The following CFAP299 variants were observed in gnomAD, a reference collection of about 807,000 sequenced individuals.
CFAP299 encodes cilia- and flagella-associated protein 299.
Under a neutral mutation model 27.0 loss-of-function variants are expected in CFAP299, and 21 were observed. That is an observed-to-expected ratio of 0.78 (90% CI 0.55 to 1.12). The LOEUF is 1.12. CFAP299 is among the 50% of genes most tolerant of loss of function. The probability of loss-of-function intolerance (pLI) is 0.00; values close to 1 mark genes in which losing one functional copy is unlikely to be tolerated. For synonymous variants in CFAP299, 104 were observed against 98.1 expected, an observed-to-expected ratio of 1.06 and a Z score of -0.36; for missense variants, 310 against 276.6, an observed-to-expected ratio of 1.12 and a Z score of -0.86.
At chr4:80,397,842 T>G (rs1400206850) in intron 2 of CFAP299, among the ~76,000 whole-genome samples, 2 of 152,046 alleles carry the variant, frequency 1.3e-5, no homozygotes, top group Non-Finnish European at 2.9e-5. Flanking sequence ...GCCAGGGCAA[T>G]CAGGCAGGAG....
chr4:80,601,057 G>A (rs1303533096), intron 3 of CFAP299, among the ~76,000 whole-genome samples: 1 of 152,050 alleles, frequency 6.6e-6, no homozygotes, highest in Non-Finnish European at 1.5e-5. Flanking sequence ...ATATGAGAGT[G>A]TTATATAAAG....
At chr4:80,711,848 T>TA (rs1722193119) in intron 3 of CFAP299, among the ~76,000 whole-genome samples, 2 of 152,300 alleles carry the variant, frequency 1.3e-5, no homozygotes, top group African/African-American at 4.8e-5. Flanking sequence ...CAAGTATGCT[T>TA]AAGAGACATT....
At chr4:80,833,188 C>T (rs1026784138) in intron 3 of CFAP299, among the ~76,000 whole-genome samples, 41 of 152,054 alleles carry the variant, frequency 2.7e-4, no homozygotes, top group African/African-American at 8.5e-4. Flanking sequence ...ATTTCAAATA[C>T]TTAAAGACAC....
At position 80,350,805 on chromosome 4, in the gene CFAP299, A is replaced by T. The variant is rs559984310; in HGVS notation, c.112-11949A>T. 4.6e-5 allele frequency among the ~76,000 whole-genome samples: 7 copies of T among 152,222 alleles called. No homozygotes were observed. In the East Asian group the frequency reaches 1.4e-3, roughly 29 times the overall value. ...TTGGGGGTGGAGGGAAAGGGGAGGG[A>T]GAGCATTAGGACAAATGGCTAATGC... On this transcript the variant is annotated intron_variant, in intron 1 of 5. Coordinates refer to ENST00000358105, the MANE Select transcript of CFAP299 (RefSeq NM_152770.3).
At chr4:80,868,905 C>CTCTG (rs1435285713) in intron 3 of CFAP299, among the ~76,000 whole-genome samples, 2,970 of 137,626 alleles carry the variant, frequency 0.022, 94 homozygotes, top group African/African-American at 0.057. Flanking sequence ...GCTTCTCTCT[C>CTCTG]TGTGTGTGTG....
intron 2 of CFAP299, among the ~76,000 whole-genome samples, chr4:80,401,807 G>A (rs1400169006): frequency 1.3e-5 from 2 of 152,150 alleles, no homozygotes; most frequent in African/African-American, 4.8e-5. Context: ...ACTTGAAAAA[G>A]CCATAGACAC....
At chr4:80,863,863 G>A (rs568988705) in intron 3 of CFAP299, among the ~76,000 whole-genome samples, 30 of 151,864 alleles carry the variant, frequency 2.0e-4, no homozygotes, top group East Asian at 1.2e-3. Context: ...ATAAAGTATC[G>A]TTTTCATGTG....
chr4:80,736,475 AAAC>A (rs1344192096), intron 3 of CFAP299, among the ~76,000 whole-genome samples: 2 of 152,112 alleles, frequency 1.3e-5, no homozygotes, highest in African/African-American at 2.4e-5. Flanking sequence ...AAGAAAAAAA[AAAC>A]AACCCCATCA....
At chr4:80,662,621 G>T (rs1740915057) in intron 3 of CFAP299, among the ~76,000 whole-genome samples, 1 of 152,184 alleles carries the variant, frequency 6.6e-6, no homozygotes, top group Admixed American at 6.5e-5. Flanking sequence ...GTTTTAGCTT[G>T]CATGCTATTT....
chr4:80,602,829 G>A (rs138531719), intron 3 of CFAP299, among the ~76,000 whole-genome samples: 117 of 152,130 alleles, frequency 7.7e-4, no homozygotes, highest in African/African-American at 2.6e-3. Context: ...AATACATGAG[G>A]CATTACTGAC....
intron 3 of CFAP299, among the ~76,000 whole-genome samples, chr4:80,826,869 C>A (rs1273124345): frequency 1.3e-5 from 2 of 151,740 alleles, no homozygotes; most frequent in Non-Finnish European, 3.0e-5. Flanking sequence ...CTCTAACAAT[C>A]CTTGGATGAA....
chr4:80,790,327 G>T (rs532906049), intron 3 of CFAP299: 1 of 151,968 alleles, frequency 6.6e-6, no homozygotes, highest in South Asian at 2.1e-4. Context: ...ACCCTCAAAG[G>T]TCTGAAAGTC....
intron 2 of CFAP299, among the ~76,000 whole-genome samples, chr4:80,564,818 A>T (rs753259594): frequency 4.6e-5 from 7 of 152,094 alleles, no homozygotes; most frequent in Non-Finnish European, 7.4e-5. Context: ...AAGTTGCAGT[A>T]AACAAAATCA....
intron 1 of CFAP299, among the ~76,000 whole-genome samples, chr4:80,362,180 A>G (rs911643299): frequency 6.8e-6 from 1 of 147,452 alleles, no homozygotes; most frequent in Admixed American, 6.8e-5. Flanking sequence ...TTCTGTTTTT[A>G]TTGGTACCAA....
chr4:80,876,827 A>T (rs1186762094), intron 4 of CFAP299, among the ~76,000 whole-genome samples: 1 of 152,022 alleles, frequency 6.6e-6, no homozygotes, highest in African/African-American at 2.4e-5. Context: ...TTTTGTCAGA[A>T]GTGTGTCTCC....
chr4:80,919,060 A>G (rs1735908244), intron 4 of CFAP299, among the ~76,000 whole-genome samples: 1 of 152,120 alleles, frequency 6.6e-6, no homozygotes. Context: ...AGTTATGTGG[A>G]CAAAATCCAG....
At chr4:80,886,725 A>G (rs372618817) in intron 4 of CFAP299, among the ~76,000 whole-genome samples, 4 of 152,138 alleles carry the variant, frequency 2.6e-5, no homozygotes, top group East Asian at 1.9e-4. Flanking sequence ...CTTCACCAGT[A>G]TAAATAAGGC....
intron 3 of CFAP299, among the ~76,000 whole-genome samples, chr4:80,683,033 A>G (rs1043958054): frequency 4.6e-5 from 7 of 152,022 alleles, no homozygotes; most frequent in African/African-American, 1.7e-4. Context: ...CCTCTCATTA[A>G]TCCCATTTTT....
intron 3 of CFAP299, among the ~76,000 whole-genome samples, chr4:80,718,932 C>T (rs1722649030): frequency 6.6e-6 from 1 of 152,088 alleles, no homozygotes; most frequent in Non-Finnish European, 1.5e-5. Context: ...AAATGTGGTA[C>T]ATATACACCA....
Sources: allele counts gnomAD v4.1 joint callset (sites outside exome capture counted in the v4.1 genomes callset), GRCh38; gene constraint gnomAD v4.1.1; transcripts MANE v1.5; gene names NCBI Gene and HGNC (gene_info 2026-07-23, HGNC 2026-07-21).